The following NTRK3 variants were observed in gnomAD, a reference collection of about 807,000 sequenced individuals.
NTRK3 encodes neurotrophic receptor tyrosine kinase 3, also known as NT-3 growth factor receptor.
NTRK3 carries 24 observed loss-of-function variants against 91.7 expected under a neutral mutation model. That is an observed-to-expected ratio of 0.26 (90% CI 0.19 to 0.37). The LOEUF is 0.37. NTRK3 is among the 10% of genes least tolerant of loss of function. NTRK3 has a pLI of 1.00. For missense variants in NTRK3, 880 were observed against 1,068.9 expected (o/e 0.82, Z 2.46); for synonymous variants, 483 against 404.0 (o/e 1.20, Z -2.34).
chr15:87,887,676 G>C (rs564461128), intron 17 of NTRK3, among the ~76,000 whole-genome samples: 1 of 152,160 alleles, frequency 6.6e-6, no homozygotes, highest in Non-Finnish European at 1.5e-5. Context: ...AAAGGTAGTG[G>C]TCAAAGCCTT....
chr15:87,983,000 C>T (rs1163396783), intron 14 of NTRK3, among the ~76,000 whole-genome samples: 3 of 152,226 alleles, frequency 2.0e-5, no homozygotes, highest in Non-Finnish European at 4.4e-5. Flanking sequence ...TCTGTCTCTG[C>T]TTCTTCCTTT....
At chr15:88,136,103 A>C in intron 8 of NTRK3, 63 bp from the exon 9 acceptor site, 1 of 1,582,228 alleles carries the variant, frequency 6.3e-7, no homozygotes, top group Non-Finnish European at 8.7e-7. Flanking sequence ...CTGCTACCTA[A>C]TCCCCAAATA....
intron 13 of NTRK3, among the ~76,000 whole-genome samples, chr15:88,069,858 C>A (rs2046958285): frequency 6.6e-6 from 1 of 152,140 alleles, no homozygotes; most frequent in South Asian, 2.1e-4. Context: ...GGATCTCAGG[C>A]CCCGAACAGC....
intron 14 of NTRK3, among the ~76,000 whole-genome samples, chr15:88,024,401 C>T (rs1055705329): frequency 1.3e-5 from 2 of 152,176 alleles, no homozygotes; most frequent in African/African-American, 4.8e-5. Context: ...TCTGCTCTAT[C>T]CCCAGGGCCT....
intron 13 of NTRK3, among the ~76,000 whole-genome samples, chr15:88,043,513 C>T (rs1211979125): frequency 6.6e-6 from 1 of 152,186 alleles, no homozygotes; most frequent in African/African-American, 2.4e-5. Flanking sequence ...CATGCAGTGC[C>T]AGGGGCTGCC....
chr15:88,067,814 A>G (rs2046782844), intron 13 of NTRK3, among the ~76,000 whole-genome samples: 1 of 152,228 alleles, frequency 6.6e-6, no homozygotes, highest in African/African-American at 2.4e-5. Flanking sequence ...TCCCTAAGTC[A>G]CAAGATTGAG....
intron 14 of NTRK3, among the ~76,000 whole-genome samples, chr15:87,967,779 C>T (rs773695981): frequency 1.3e-5 from 2 of 152,172 alleles, no homozygotes; most frequent in African/African-American, 2.4e-5. Flanking sequence ...GTATATTTTC[C>T]ACATTCCTAG....
chr15:87,922,839 T>C lies in NTRK3; in HGVS notation c.2133+6352A>G, dbSNP rs572610010. The stretch of plus-strand genomic sequence containing the variant: ...AGATGTGTTTTCTTATCTATTAACT[T>C]ACATTCCCTTTGATTTGGAACATTG... On this transcript the variant is annotated intron_variant, in intron 17 of 18. Coordinates refer to ENST00000394480, the Ensembl canonical transcript of NTRK3. Among the ~76,000 whole-genome samples the C allele has an allele frequency of 5.3e-5, 8 of 152,316 alleles. No homozygotes were observed. The South Asian group carries it at 8.3e-4, about 16-fold the overall frequency.
intron 14 of NTRK3, among the ~76,000 whole-genome samples, chr15:87,972,093 C>T (rs995461478): frequency 6.6e-6 from 1 of 152,198 alleles, no homozygotes; most frequent in Non-Finnish European, 1.5e-5. Flanking sequence ...AAGTCCTTGT[C>T]CTTCTCACTG....
chr15:87,865,136 T>G (rs941542316), exon 19 of NTRK3: 8 of 211,612 alleles, frequency 3.8e-5, no homozygotes, highest in South Asian at 1.9e-4. Context: ...TTTCTAGGAT[T>G]TGGGGTATGC....
chr15:87,973,484 A>C (rs935250399), intron 14 of NTRK3, among the ~76,000 whole-genome samples: 1 of 152,200 alleles, frequency 6.6e-6, no homozygotes, highest in Non-Finnish European at 1.5e-5. Flanking sequence ...TAGCTCTGGA[A>C]ATATACTGTC....
chr15:88,136,315 A>G, intron 8 of NTRK3, 152 bp downstream of exon 8: 1 of 1,078,686 alleles, frequency 9.3e-7, no homozygotes, highest in Non-Finnish European at 1.4e-6. Flanking sequence ...GCATGTATAG[A>G]GCGAAATGGC....
At chr15:87,936,445 G>A (rs1285591499) in intron 15 of NTRK3, among the ~76,000 whole-genome samples, 2 of 152,024 alleles carry the variant, frequency 1.3e-5, no homozygotes, top group Non-Finnish European at 2.9e-5. Context: ...AAATAGGCTA[G>A]ATGGCAAGAA....
chr15:88,150,144 C>G (rs1428658607), intron 5 of NTRK3, among the ~76,000 whole-genome samples: 1 of 152,146 alleles, frequency 6.6e-6, no homozygotes, highest in Non-Finnish European at 1.5e-5. Flanking sequence ...AGAACATGCC[C>G]CTGGTAAGGT....
At chr15:88,002,036 A>G (rs1284489299) in intron 14 of NTRK3, among the ~76,000 whole-genome samples, 5 of 152,132 alleles carry the variant, frequency 3.3e-5, no homozygotes, top group Non-Finnish European at 5.9e-5. Flanking sequence ...GAGTATAGAT[A>G]TCTATGCATT....
chr15:88,019,941 A>C (rs1028430868), intron 14 of NTRK3, among the ~76,000 whole-genome samples: 1 of 152,240 alleles, frequency 6.6e-6, no homozygotes, highest in African/African-American at 2.4e-5. Flanking sequence ...AACAAGACTC[A>C]GACATATGTA....
At chr15:88,127,169 G>T (rs140016144) in exon 12 of NTRK3, 7 of 1,613,746 alleles carry the variant, frequency 4.3e-6, no homozygotes, top group African/African-American at 2.7e-5. Flanking sequence ...CACCCCAAAA[G>T]TGTCTTCTTC....
intron 13 of NTRK3, among the ~76,000 whole-genome samples, chr15:88,102,646 C>T (rs192510245): frequency 1.3e-5 from 2 of 152,066 alleles, no homozygotes; most frequent in Non-Finnish European, 2.9e-5. Flanking sequence ...TATTATATAT[C>T]CATGATAATT....
rs568403815 is a variant in NTRK3, at chr15:88,126,898, T to C, written c.1293+264A>G. 5.9e-5 allele frequency among the ~76,000 whole-genome samples: 9 copies of C among 152,262 alleles called. No homozygotes were observed. In the East Asian group the frequency reaches 1.7e-3, roughly 29 times the overall value. ...GGAAACTTGTACAGTTAGCAGCCCCTGCAAATCAGGCCCAGCTGGGCTCCT... is the reference window on the plus strand; with the variant it reads ...GGAAACTTGTACAGTTAGCAGCCCCCGCAAATCAGGCCCAGCTGGGCTCCT... On this transcript the variant is annotated intron_variant, in intron 12 of 18. Transcript: ENST00000394480.
Sources: gnomAD v4.1 joint callset for allele counts (sites outside exome capture counted in the v4.1 genomes callset) on GRCh38, gnomAD v4.1.1 for gene constraint, MANE v1.5 for transcripts, NCBI Gene and HGNC (gene_info 2026-07-23, HGNC 2026-07-21) for gene names.